GRM7: variants seen among roughly 807,000 people sequenced by gnomAD.
GRM7 encodes the protein glutamate metabotropic receptor 7.
A neutral mutation model predicts 84.5 loss-of-function variants in GRM7; 35 were observed. The observed-to-expected ratio is 0.41, with a 90% confidence interval of 0.32 to 0.55. The LOEUF (loss-of-function observed/expected upper bound fraction) is 0.55. GRM7 is among the 20% of genes least tolerant of loss of function. GRM7 has a pLI of 0.19. For synonymous variants in GRM7, 487 were observed against 455.1 expected (o/e 1.07, Z -0.89); for missense variants, 1,003 against 1,194.6 (o/e 0.84, Z 2.36).
At chr3:7,628,132 A>AT (rs1481787725) in intron 8 of GRM7, among the ~76,000 whole-genome samples, 2 of 152,076 alleles carry the variant, frequency 1.3e-5, no homozygotes, top group East Asian at 1.9e-4. Flanking sequence ...AACTTGAGGC[A>AT]TTTTTTTCTT....
intron 9 of GRM7, chr3:7,680,673 G>A (rs372691614): frequency 5.6e-5 from 11 of 197,492 alleles, no homozygotes; most frequent in East Asian, 1.4e-4. Flanking sequence ...GAACTGTATC[G>A]GTGGGAATTA....
chr3:7,574,465 C>G (rs1257352366), intron 7 of GRM7, among the ~76,000 whole-genome samples: 2 of 152,128 alleles, frequency 1.3e-5, no homozygotes, highest in East Asian at 3.9e-4. Context: ...GGTGCCTTGT[C>G]TTTTTCTTGT....
intron 1 of GRM7, among the ~76,000 whole-genome samples, chr3:7,040,677 A>G (rs1696568139): frequency 6.6e-6 from 1 of 151,986 alleles, no homozygotes; most frequent in Non-Finnish European, 1.5e-5. Flanking sequence ...GTCCTTTGCT[A>G]CTTATAGGTG....
intron 8 of GRM7, among the ~76,000 whole-genome samples, chr3:7,621,958 A>G (rs1027242306): frequency 6.6e-6 from 1 of 152,178 alleles, no homozygotes; most frequent in Non-Finnish European, 1.5e-5. Flanking sequence ...GAATCTGGGC[A>G]AATGCTAGAA....
At chr3:7,492,046 A>G (rs1173907542) in intron 7 of GRM7, among the ~76,000 whole-genome samples, 1 of 152,154 alleles carries the variant, frequency 6.6e-6, no homozygotes, top group African/African-American at 2.4e-5. Flanking sequence ...AGCCTTGCAT[A>G]CCTAGAAGGA....
intron 1 of GRM7, among the ~76,000 whole-genome samples, chr3:7,109,351 A>G (rs775855254): frequency 2.0e-5 from 3 of 152,150 alleles, no homozygotes; most frequent in Non-Finnish European, 4.4e-5. Flanking sequence ...AGGTTATTTT[A>G]ATGTTTCTAT....
intron 4 of GRM7, among the ~76,000 whole-genome samples, chr3:7,341,068 T>G (rs2125079217): frequency 6.6e-6 from 1 of 152,262 alleles, no homozygotes; most frequent in East Asian, 1.9e-4. Flanking sequence ...TGCTTCTCTT[T>G]GTTCTTTAGC....
At chr3:7,334,880 T>C (rs1489808715) in intron 4 of GRM7, among the ~76,000 whole-genome samples, 1 of 152,068 alleles carries the variant, frequency 6.6e-6, no homozygotes, top group Non-Finnish European at 1.5e-5. Context: ...TAAATATATA[T>C]GCACCTAACA....
chr3:7,464,974 C>T (rs913370801), intron 7 of GRM7, among the ~76,000 whole-genome samples: 2 of 152,196 alleles, frequency 1.3e-5, no homozygotes, highest in Middle Eastern at 3.4e-3. Flanking sequence ...CCAGCCCTGG[C>T]GAGAGTGCGA....
intron 4 of GRM7, among the ~76,000 whole-genome samples, chr3:7,319,589 A>AAACCAG (rs1559232403): frequency 6.6e-6 from 1 of 152,048 alleles, no homozygotes; most frequent in East Asian, 1.9e-4. Flanking sequence ...GAATGCCTAG[A>AAACCAG]AACCAGAATG....
At chr3:6,871,018 GTGGAATTAGCAC>G (rs1229402181) in intron 1 of GRM7, among the ~76,000 whole-genome samples, 1 of 152,184 alleles carries the variant, frequency 6.6e-6, no homozygotes, top group Non-Finnish European at 1.5e-5. Context: ...GAATGAGGAA[GTGGAATTAGCAC>G]TGTAGGTTCT....
chr3:7,121,467 G>C (rs541502049), intron 1 of GRM7, among the ~76,000 whole-genome samples: 98 of 152,174 alleles, frequency 6.4e-4, no homozygotes, highest in African/African-American at 2.2e-3. Context: ...CATTATTGAA[G>C]TTATTATGAG....
intron 8 of GRM7, among the ~76,000 whole-genome samples, chr3:7,646,795 A>G (rs538303167): frequency 6.6e-6 from 1 of 152,310 alleles, no homozygotes; most frequent in East Asian, 1.9e-4. Context: ...ATTCCTCTTC[A>G]GGCCAAAAAA....
chr3:6,944,248 T>G (rs1697983991), intron 1 of GRM7, among the ~76,000 whole-genome samples: 1 of 152,126 alleles, frequency 6.6e-6, no homozygotes, highest in African/African-American at 2.4e-5. Flanking sequence ...ATTCTTGTAT[T>G]GTTCCTCATC....
intron 9 of GRM7, chr3:7,681,336 A>G (rs1700359319): frequency 6.6e-6 from 1 of 152,180 alleles, no homozygotes; most frequent in Non-Finnish European, 1.5e-5. Context: ...GGAAGTCTCA[A>G]TTTTAAGTAC....
intron 9 of GRM7, among the ~76,000 whole-genome samples, chr3:7,694,884 A>T (rs1485018423): frequency 6.6e-6 from 1 of 152,168 alleles, no homozygotes; most frequent in Non-Finnish European, 1.5e-5. Context: ...TTGTTCCCCT[A>T]ACCTGGTGGG....
intron 2 of GRM7, among the ~76,000 whole-genome samples, chr3:7,186,072 T>C (rs1042656676): frequency 6.6e-6 from 1 of 152,190 alleles, no homozygotes; most frequent in Non-Finnish European, 1.5e-5. Flanking sequence ...CTGCTTAGCA[T>C]AGATATGTCT....
intron 2 of GRM7, among the ~76,000 whole-genome samples, chr3:7,212,244 C>A (rs1478847615): frequency 6.6e-6 from 1 of 151,262 alleles, no homozygotes; most frequent in East Asian, 1.9e-4. Flanking sequence ...AGATCCAGGC[C>A]TAGTATTTCA....
intron 7 of GRM7, among the ~76,000 whole-genome samples, chr3:7,467,168 A>C (rs764152667): frequency 6.6e-6 from 1 of 151,936 alleles, no homozygotes; most frequent in Admixed American, 6.6e-5. Flanking sequence ...GCTCACTGCA[A>C]CCTCCGCCTC....
Sources: gnomAD v4.1 joint callset for allele counts (sites outside exome capture counted in the v4.1 genomes callset) on GRCh38, gnomAD v4.1.1 for gene constraint, MANE v1.5 for transcripts, NCBI Gene and HGNC (gene_info 2026-07-23, HGNC 2026-07-21) for gene names.